The following MAP2 variants were observed in gnomAD, a reference collection of about 807,000 sequenced individuals.
The protein encoded by MAP2 is microtubule-associated protein 2.
In MAP2, 14 loss-of-function variants were observed where a neutral mutation model predicts 137.6. The ratio of observed to expected loss-of-function variants is 0.10; its 90% confidence interval spans 0.07 to 0.16. The LOEUF (loss-of-function observed/expected upper bound fraction) is 0.16. MAP2 is among the 10% of genes least tolerant of loss of function. MAP2 has a pLI of 1.00. For synonymous variants in MAP2, 786 were observed against 782.3 expected, an observed-to-expected ratio of 1.00 and a Z score of -0.08; for missense variants, 2,088 against 2,191.5, an observed-to-expected ratio of 0.95 and a Z score of 0.94.
chr2:209,652,400 A>G (rs1298572116), intron 4 of MAP2, among the ~76,000 whole-genome samples: 1 of 152,204 alleles, frequency 6.6e-6, no homozygotes, highest in African/African-American at 2.4e-5. Flanking sequence ...TTAATAGAAA[A>G]TGTCATTTCC....
intron 4 of MAP2, 146 bp from the exon 5 acceptor site, chr2:209,652,996 C>A: frequency 3.8e-6 from 2 of 522,074 alleles, no homozygotes; most frequent in Non-Finnish European, 6.6e-6. Context: ...TTGACCCATT[C>A]TTGATATTAA....
At chr2:209,620,605 A>T (rs970532585) in intron 3 of MAP2, among the ~76,000 whole-genome samples, 1 of 152,172 alleles carries the variant, frequency 6.6e-6, no homozygotes, top group African/African-American at 2.4e-5. Flanking sequence ...TAATAAGCAC[A>T]TTAGGGAGTA....
intron 2 of MAP2, among the ~76,000 whole-genome samples, chr2:209,511,540 C>G (rs1284115058): frequency 2.0e-5 from 3 of 152,062 alleles, no homozygotes; most frequent in African/African-American, 7.2e-5. Context: ...TTCATGCTTT[C>G]TTGGTGCTTA....
intron 2 of MAP2, among the ~76,000 whole-genome samples, chr2:209,544,883 G>C (rs969040915): frequency 3.9e-5 from 6 of 152,114 alleles, no homozygotes; most frequent in African/African-American, 1.2e-4. Context: ...TGATTACTCT[G>C]GGCTTGAATA....
intron 4 of MAP2, among the ~76,000 whole-genome samples, chr2:209,645,952 A>T (rs2094394633): frequency 6.6e-6 from 1 of 152,188 alleles, no homozygotes; most frequent in South Asian, 2.1e-4. Context: ...TTGAGAGGTC[A>T]AGGTGGATGG....
intron 4 of MAP2, among the ~76,000 whole-genome samples, chr2:209,651,071 C>T (rs1316316218): frequency 6.6e-6 from 1 of 152,114 alleles, no homozygotes; most frequent in Non-Finnish European, 1.5e-5. Context: ...AGATAATTTC[C>T]TCAATCCTTC....
chr2:209,558,451 C>A (rs1248829145), intron 2 of MAP2, among the ~76,000 whole-genome samples: 4 of 151,854 alleles, frequency 2.6e-5, no homozygotes, highest in Admixed American at 2.6e-4. Flanking sequence ...AGCCTCCCAG[C>A]GTGCTGGGAT....
At chr2:209,461,923 C>T (rs1268203191) in intron 1 of MAP2, among the ~76,000 whole-genome samples, 1 of 151,806 alleles carries the variant, frequency 6.6e-6, no homozygotes, top group Non-Finnish European at 1.5e-5. Context: ...TTTTCTAATC[C>T]ATGGAATTTA....
At chr2:209,489,431 G>A (rs1043137486) in intron 1 of MAP2, among the ~76,000 whole-genome samples, 19 of 152,158 alleles carry the variant, frequency 1.2e-4, no homozygotes, top group Admixed American at 9.2e-4. Context: ...AAAACTGGAC[G>A]GAGAATGAGT....
At chr2:209,484,872 A>G (rs541281735) in intron 1 of MAP2, among the ~76,000 whole-genome samples, 2 of 152,326 alleles carry the variant, frequency 1.3e-5, no homozygotes, top group South Asian at 4.1e-4. Flanking sequence ...TCTATTGTCA[A>G]CTATTAGCCA....
chr2:209,555,055 T>C (rs2070231888), intron 2 of MAP2, among the ~76,000 whole-genome samples: 1 of 151,616 alleles, frequency 6.6e-6, no homozygotes, highest in South Asian at 2.1e-4. Context: ...TAATCATAAA[T>C]CCTGGTTCTT....
intron 4 of MAP2, among the ~76,000 whole-genome samples, chr2:209,644,670 C>CAAAAAAAA (rs68166330): frequency 1.0e-4 from 7 of 68,578 alleles, no homozygotes; most frequent in African/African-American, 2.8e-4. Context: ...GACCCTGTCT[C>CAAAAAAAA]AAAAAAAAAA....
chr2:209,449,236 G>A (rs1699789614), intron 1 of MAP2, among the ~76,000 whole-genome samples: 1 of 152,142 alleles, frequency 6.6e-6, no homozygotes, highest in Non-Finnish European at 1.5e-5. Context: ...CATAGTAGGT[G>A]CTTAGCACTT....
At chr2:209,582,657 T>TGATAGATAGATAGATA (rs66881504) in intron 3 of MAP2, among the ~76,000 whole-genome samples, 16 of 149,632 alleles carry the variant, frequency 1.1e-4, no homozygotes, top group East Asian at 4.0e-4. Flanking sequence ...GATAGATAGA[T>TGATAGATAGATAGATA]GATAGATAGA....
rs182792963 is a variant in MAP2, at chr2:209,469,080, A to C, written c.-221-38512A>C. Among the ~76,000 whole-genome samples, 101 of 152,346 alleles carry C rather than the reference A, an allele frequency of 6.6e-4. 1 individual carries two copies. Among genetic ancestry groups the C allele is most frequent in the African/African-American group, 2.3e-3 (95 of 41,592 alleles). On this transcript the variant is annotated intron_variant, in intron 1 of 15. Coordinates refer to ENST00000682079, the MANE Select transcript of MAP2 (RefSeq NM_001375505.1). ...AGAGTTAGAAGAGATTTGGGGAATC[A>C]TCTTGTTCAATTTTAAATGCGTGAA...
At chr2:209,519,119 T>C (rs966942838) in intron 2 of MAP2, among the ~76,000 whole-genome samples, 1 of 152,016 alleles carries the variant, frequency 6.6e-6, no homozygotes, top group Non-Finnish European at 1.5e-5. Flanking sequence ...ACCAAAGTAA[T>C]AGAAAAAGAA....
chr2:209,608,676 C>G (rs2085665374), intron 3 of MAP2, among the ~76,000 whole-genome samples: 1 of 152,082 alleles, frequency 6.6e-6, no homozygotes. Flanking sequence ...CTTTGTGAAA[C>G]ACAACTAATT....
chr2:209,469,804 C>T (rs776917317), intron 1 of MAP2, among the ~76,000 whole-genome samples: 1 of 152,158 alleles, frequency 6.6e-6, no homozygotes, highest in Non-Finnish European at 1.5e-5. Context: ...TGTCTTTCAG[C>T]CACACACACT....
Position 209,587,314 on chromosome 2 carries a change from G to T in MAP2, c.-107+7214G>T, listed in dbSNP as rs374719562. Among the ~76,000 whole-genome samples the T allele has an allele frequency of 1.2e-3, 186 of 152,158 alleles. 5 individuals are homozygous for T. The South Asian group carries it at 0.037, about 30-fold the overall frequency. ...CCACCCACTCCTACTAAAAGCCCCG[G>T]GTGACTCTGCTTAAAGCCACAGGGG... is the stretch of plus-strand genomic sequence containing the variant. On this transcript the variant is annotated intron_variant, in intron 3 of 15. Transcript: ENST00000682079.
Sources: allele counts gnomAD v4.1 joint callset (sites outside exome capture counted in the v4.1 genomes callset), GRCh38; gene constraint gnomAD v4.1.1; transcripts MANE v1.5; gene names NCBI Gene and HGNC (gene_info 2026-07-23, HGNC 2026-07-21).